The following GULP1 variants were observed in gnomAD, a reference collection of about 807,000 sequenced individuals.
GULP1 encodes the protein GULP PTB domain containing engulfment adaptor 1.
Under a neutral mutation model 40.9 loss-of-function variants are expected in GULP1, and 19 were observed. The ratio of observed to expected loss-of-function variants is 0.46; its 90% CI spans 0.32 to 0.68. The LOEUF is 0.68. Among genes scored for constraint, GULP1 ranks in the 30% least tolerant of loss-of-function variants. The probability of loss-of-function intolerance (pLI) is 0.03; values close to 1 mark genes in which losing one functional copy is unlikely to be tolerated. For missense variants in GULP1, 312 were observed against 362.2 expected, an observed-to-expected ratio of 0.86 and a Z score of 1.12; for synonymous variants, 119 against 117.6, an observed-to-expected ratio of 1.01 and a Z score of -0.08.
intron 9 of GULP1, chr2:188,582,683 G>A (rs1376517839): frequency 1.1e-5 from 4 of 361,732 alleles, no homozygotes; most frequent in Non-Finnish European, 2.2e-5. Context: ...TCAATGTGAT[G>A]TGATCTGGAG....
At chr2:188,317,238 A>G (rs1018945128) in intron 1 of GULP1, among the ~76,000 whole-genome samples, 28 of 152,278 alleles carry the variant, frequency 1.8e-4, no homozygotes, top group African/African-American at 6.7e-4. Context: ...GTTTCCTAAG[A>G]TTATATGTAT....
At chr2:188,542,334 T>G (rs993325988) in intron 7 of GULP1, among the ~76,000 whole-genome samples, 2 of 152,172 alleles carry the variant, frequency 1.3e-5, no homozygotes, top group African/African-American at 4.8e-5. Flanking sequence ...AAATAACAGA[T>G]AGCTAATATT....
At chr2:188,504,558 T>C (rs2063730419) in intron 4 of GULP1, among the ~76,000 whole-genome samples, 1 of 152,052 alleles carries the variant, frequency 6.6e-6, no homozygotes, top group Non-Finnish European at 1.5e-5. Context: ...GAGTAATAGG[T>C]ATTTCTCCAA....
At chr2:188,341,388 A>G (rs1305003814) in intron 1 of GULP1, among the ~76,000 whole-genome samples, 1 of 152,094 alleles carries the variant, frequency 6.6e-6, no homozygotes, top group Non-Finnish European at 1.5e-5. Flanking sequence ...ATTCATGAGA[A>G]ATCCACTCCT....
chr2:188,490,999 G>A (rs367858492), intron 4 of GULP1, among the ~76,000 whole-genome samples: 9 of 151,968 alleles, frequency 5.9e-5, no homozygotes, highest in South Asian at 2.1e-4. Context: ...GTTTCGCCAC[G>A]TTGCTTATTG....
chr2:188,461,381 C>T (rs971088291), intron 2 of GULP1, among the ~76,000 whole-genome samples: 1 of 143,700 alleles, frequency 7.0e-6, no homozygotes, highest in African/African-American at 2.6e-5. Flanking sequence ...AGTGCAATGG[C>T]ATGATCTCAG....
In GULP1 at chr2:188,447,221, T is replaced by A. The variant is rs1404219256; in HGVS notation, c.-44-30438T>A. ...AGAGTTTTATGATGCAGATGAAGCCTCCATGTAACAGGCTTCAGAAAACAT... is the reference window on the plus strand; with the variant it reads ...AGAGTTTTATGATGCAGATGAAGCCACCATGTAACAGGCTTCAGAAAACAT... On this transcript the variant is annotated intron_variant, in intron 2 of 11. Coordinates refer to ENST00000409830, the MANE Select transcript of GULP1 (RefSeq NM_016315.4). Among the ~76,000 whole-genome samples the A allele has an allele frequency of 2.6e-5, 4 of 152,206 alleles. No homozygotes were observed. In the East Asian group the frequency reaches 7.7e-4, roughly 29 times the overall value.
At chr2:188,474,920 A>G (rs920923324) in intron 2 of GULP1, among the ~76,000 whole-genome samples, 3 of 152,220 alleles carry the variant, frequency 2.0e-5, no homozygotes, top group Admixed American at 6.5e-5. Context: ...ATGTTACACC[A>G]TAAATTGAGA....
chr2:188,304,687 T>G (rs1240943044), intron 1 of GULP1, among the ~76,000 whole-genome samples: 1 of 152,220 alleles, frequency 6.6e-6, no homozygotes, highest in African/African-American at 2.4e-5. Flanking sequence ...CCTTCTTTTT[T>G]GTCCCTCTGA....
chr2:188,513,742 A>G (rs2064854472), intron 4 of GULP1, among the ~76,000 whole-genome samples: 1 of 152,112 alleles, frequency 6.6e-6, no homozygotes. Context: ...ACTTGTACTC[A>G]TGTAAACTCT....
At chr2:188,533,254 C>G (rs1360197117) in intron 6 of GULP1, among the ~76,000 whole-genome samples, 1 of 151,886 alleles carries the variant, frequency 6.6e-6, no homozygotes, top group Non-Finnish European at 1.5e-5. Flanking sequence ...TGAATAGGGT[C>G]AAAAATTAAG....
At chr2:188,592,943 A>ATT (rs1261942270) in intron 11 of GULP1, 5 of 152,080 alleles carry the variant, frequency 3.3e-5, no homozygotes. Context: ...TTATTTGCCA[A>ATT]TAATGTGTTG....
At chr2:188,552,909 C>CTA (rs1282404817) in intron 7 of GULP1, among the ~76,000 whole-genome samples, 5 of 150,064 alleles carry the variant, frequency 3.3e-5, no homozygotes, top group Admixed American at 1.3e-4. Flanking sequence ...TTATCTCTCT[C>CTA]TATATATATA....
At chr2:188,578,143 C>T (rs1430054008) in intron 9 of GULP1, among the ~76,000 whole-genome samples, 1 of 151,928 alleles carries the variant, frequency 6.6e-6, no homozygotes, top group East Asian at 1.9e-4. Context: ...GTGCAATTAA[C>T]AGCAAAACAT....
At chr2:188,374,382 TA>T (rs1202356444) in intron 1 of GULP1, among the ~76,000 whole-genome samples, 1 of 152,154 alleles carries the variant, frequency 6.6e-6, no homozygotes, top group Non-Finnish European at 1.5e-5. Context: ...AAAACTCAGT[TA>T]AGCCAAAGAA....
At chr2:188,497,587 A>G (rs907047946) in intron 4 of GULP1, among the ~76,000 whole-genome samples, 2 of 151,946 alleles carry the variant, frequency 1.3e-5, no homozygotes, top group Non-Finnish European at 2.9e-5. Flanking sequence ...AAGTTCTAAG[A>G]GGCAAGTTTG....
chr2:188,355,264 G>C (rs1209761152), intron 1 of GULP1, among the ~76,000 whole-genome samples: 1 of 151,712 alleles, frequency 6.6e-6, no homozygotes, highest in Admixed American at 6.6e-5. Flanking sequence ...TAAAAGATAA[G>C]TAAAATCAAC....
chr2:188,512,407 A>T (rs934291594), intron 4 of GULP1, among the ~76,000 whole-genome samples: 131 of 152,270 alleles, frequency 8.6e-4, no homozygotes, highest in African/African-American at 3.1e-3. Context: ...TATTATCTAC[A>T]TAAAATTGGC....
At chr2:188,430,842 A>G (rs1046831491) in intron 2 of GULP1, among the ~76,000 whole-genome samples, 1 of 152,156 alleles carries the variant, frequency 6.6e-6, no homozygotes, top group Non-Finnish European at 1.5e-5. Flanking sequence ...TCCTTGTTGG[A>G]CTGTAGATTA....
Sources: gnomAD v4.1 joint callset for allele counts (sites outside exome capture counted in the v4.1 genomes callset) on GRCh38, gnomAD v4.1.1 for gene constraint, MANE v1.5 for transcripts, NCBI Gene and HGNC (gene_info 2026-07-23, HGNC 2026-07-21) for gene names.